Variants in MYBL1 observed in about 807,000 individuals in gnomAD.
MYBL1 encodes myb-related protein A.
Under a neutral mutation model 96.3 loss-of-function variants are expected in MYBL1, and 17 were observed. The ratio of observed to expected loss-of-function variants is 0.18; its 90% confidence interval spans 0.12 to 0.26. MYBL1 has a LOEUF of 0.26. Ranked by LOEUF, MYBL1 falls within the 10% of genes least tolerant of loss-of-function variation. The pLI is 1.00. For synonymous variants in MYBL1, 282 were observed against 292.7 expected, an observed-to-expected ratio of 0.96 and a Z score of 0.37; for missense variants, 701 against 882.9, an observed-to-expected ratio of 0.79 and a Z score of 2.61.
chr8:66,609,156 T>C (rs1159066870), intron 1 of MYBL1, among the ~76,000 whole-genome samples: 2 of 152,096 alleles, frequency 1.3e-5, no homozygotes, highest in African/African-American at 4.8e-5. Context: ...ATGATAGTCA[T>C]GACTTTGTCC....
Position 66,562,639 on chromosome 8 carries a change from T to C in MYBL1, c.*2058A>G, listed in dbSNP as rs1808373572. On this transcript the variant is annotated 3_prime_UTR_variant, in exon 16 of 16. Coordinates refer to ENST00000522677, the MANE Select transcript of MYBL1 (RefSeq NM_001080416.4). Reference sequence around the variant, plus strand: ...TATAGCCTTACAAGATATTATACTTTGGTGATTGCAGACTATGTATATCCA... The same window carrying C: ...TATAGCCTTACAAGATATTATACTTCGGTGATTGCAGACTATGTATATCCA... 1 of 152,538 alleles carries C rather than the reference T, an allele frequency of 6.6e-6. No individual in the cohort carries two copies. The highest frequency in any genetic ancestry group is 1.5e-5 in the Non-Finnish European group (1 of 68,016). The allele number at this position is 152,538 out of a possible 1,614,324, so 9.4% of individuals were successfully genotyped here.
chr8:66,611,755 A>C (rs1324051053), intron 1 of MYBL1, among the ~76,000 whole-genome samples: 2 of 152,242 alleles, frequency 1.3e-5, no homozygotes, highest in Non-Finnish European at 2.9e-5. Flanking sequence ...TGCTTAACAG[A>C]AAACTAAGGA....
chr8:66,592,524 A>G lies in MYBL1; in HGVS notation c.783T>C (p.Asp261=). Residue 261 remains aspartate (D), a synonymous_variant, in exon 8 of 16, where the codon GAT becomes GAC. Coordinates refer to ENST00000522677, the MANE Select transcript of MYBL1 (RefSeq NM_001080416.4). ...CCTTTATTTTCTTTTCCTTATCAGG[A>G]TCTTCATCAATGAAGGGTTGCTAAA... is the stretch of plus-strand genomic sequence containing the variant. ...AFIQQPFIDE[D]PDKEKKIKEL... is the part of the protein sequence containing the mutation. 1 of 1,594,836 alleles carries G rather than the reference A, an allele frequency of 6.3e-7. No individual in the cohort carries two copies. Among genetic ancestry groups the G allele is most frequent in the Non-Finnish European group, 8.5e-7 (1 of 1,174,228 alleles).
rs745988404 is a variant in MYBL1 at position 66,566,891 on chromosome 8, T to G, written c.1830A>C (p.Lys610Asn). The change falls in exon 13 of 16, where the codon AAA (lysine) becomes AAC (asparagine). Residue 610 changes from lysine (K) to asparagine (N), a missense_variant. This residue lies in a region of MYBL1 where 63 missense variants were observed against 109.2 expected (regional missense o/e 0.58). Coordinates refer to ENST00000522677, the MANE Select transcript of MYBL1 (RefSeq NM_001080416.4). Reference protein sequence around the residue: ...FLKEEDEPAYKSCKQENTASG... With the variant: ...FLKEEDEPAYNSCKQENTASG... ...AGAAGATTACCTCTTGTTTGCAGCTTTTGTAAGCAGGTTCATCTTCCTCTT... is the reference window on the plus strand; with the variant it reads ...AGAAGATTACCTCTTGTTTGCAGCTGTTGTAAGCAGGTTCATCTTCCTCTT... 3.7e-6 allele frequency: 6 copies of G among 1,612,120 alleles called. No homozygotes were observed. Among genetic ancestry groups the G allele is most frequent in the Non-Finnish European group, 8.5e-7 (1 of 1,178,694 alleles).
At chr8:66,609,326 AAGAG>A (rs1410564055) in intron 1 of MYBL1, among the ~76,000 whole-genome samples, 1 of 152,080 alleles carries the variant, frequency 6.6e-6, no homozygotes, top group East Asian at 1.9e-4. Context: ...TTCTAAAAGA[AAGAG>A]AAATACCGGT....
intron 14 of MYBL1, 24 bp downstream of exon 14, chr8:66,566,657 TAAC>T (rs747008994): frequency 6.9e-7 from 1 of 1,451,644 alleles, no homozygotes; most frequent in Non-Finnish European, 9.5e-7. Context: ...CCATTTAAAA[TAAC>T]AACAATAATA....
intron 8 of MYBL1, among the ~76,000 whole-genome samples, chr8:66,588,950 T>C (rs961336689): frequency 5.9e-5 from 9 of 151,900 alleles, no homozygotes; most frequent in Admixed American, 3.3e-4. Flanking sequence ...AACCAGGGAG[T>C]TGGAGGTTGC....
chr8:66,605,055 G>T (rs956498809), intron 1 of MYBL1, among the ~76,000 whole-genome samples: 1 of 152,278 alleles, frequency 6.6e-6, no homozygotes, highest in South Asian at 2.1e-4. Flanking sequence ...TTTAAAAAAA[G>T]AGAAATAAGT....
intron 6 of MYBL1, among the ~76,000 whole-genome samples, 155 bp from the exon 7 acceptor site, chr8:66,593,349 A>G (rs1369265288): frequency 6.6e-6 from 1 of 152,210 alleles, no homozygotes; most frequent in East Asian, 1.9e-4. Flanking sequence ...ATACTTTCTT[A>G]TCTATTAAAT....
intron 12 of MYBL1, among the ~76,000 whole-genome samples, chr8:66,568,723 T>C (rs1410097408): frequency 2.0e-5 from 3 of 152,098 alleles, no homozygotes; most frequent in Non-Finnish European, 4.4e-5. Flanking sequence ...GGGGGGTTGT[T>C]GTATAGGTTA....
chr8:66,573,421 A>G lies in MYBL1; in HGVS notation c.1556T>C (p.Leu519Pro). ...TSTPICGQKA[L>P]ITTPLHKETT... is the part of the protein sequence containing the mutation. ...TTCCTTATGAAGAGGAGTTGTAATG[A>G]GAGCTTTCTGCCCACAAATAGGGGT... Residue 519 changes from leucine to proline, a missense_variant, in exon 11 of 16, where the codon CTC (leucine) becomes CCC (proline). Physicochemically the swap from Leu to Pro is moderately conservative, Grantham distance 98 (BLOSUM62 -3). Around this residue, in one of 5 missense-constraint regions of MYBL1, gnomAD observed 396 missense variants for 407.4 expected, o/e 0.97. Coordinates refer to ENST00000522677, the MANE Select transcript of MYBL1 (RefSeq NM_001080416.4). 2 of 1,613,052 alleles carry G rather than the reference A, an allele frequency of 1.2e-6. No individual in the cohort carries two copies. The highest frequency in any genetic ancestry group is 1.7e-6 in the Non-Finnish European group (2 of 1,179,472).
chr8:66,594,126 T>C (rs1347606099), intron 6 of MYBL1, among the ~76,000 whole-genome samples: 5 of 151,572 alleles, frequency 3.3e-5, no homozygotes, highest in South Asian at 4.2e-4. Flanking sequence ...CAGAAAGAGA[T>C]TCTGTCTCAA....
At chr8:66,595,512 G>A in intron 6 of MYBL1, 71 bp downstream of exon 6, 3 of 983,282 alleles carry the variant, frequency 3.1e-6, no homozygotes, top group Non-Finnish European at 4.1e-6. Flanking sequence ...GTCCTATTAA[G>A]AAACCAAACA....
intron 6 of MYBL1, among the ~76,000 whole-genome samples, chr8:66,595,382 T>C (rs1275232289): frequency 6.6e-6 from 1 of 152,146 alleles, no homozygotes; most frequent in African/African-American, 2.4e-5. Context: ...CATAGTTTCT[T>C]GATGTAAAAA....
intron 8 of MYBL1, among the ~76,000 whole-genome samples, chr8:66,583,382 A>G (rs1165238860): frequency 1.3e-5 from 2 of 152,176 alleles, no homozygotes; most frequent in Non-Finnish European, 2.9e-5. Context: ...CCTACACCAA[A>G]AAAGTAGAAA....
Position 66,564,632 on chromosome 8 carries a change from A to G in MYBL1, c.*65T>C, listed in dbSNP as rs1240060293. 7.4e-7 allele frequency: 1 copy of G among 1,344,330 alleles called. No individual in the cohort carries two copies. The highest frequency in any genetic ancestry group is 1.5e-5 in the African/African-American group (1 of 67,020). The allele number at this position is 1,344,330 out of a possible 1,614,324, so 83.3% of individuals were successfully genotyped here. A position where few individuals can be genotyped will look rare whatever the true frequency, so the allele number is the denominator to read the frequency against. On this transcript the variant is annotated 3_prime_UTR_variant, in exon 16 of 16. Coordinates refer to ENST00000522677, the MANE Select transcript of MYBL1 (RefSeq NM_001080416.4). ...AAAACAACTAATTGAGAAAAATTTC[A>G]CTGCAACCTAATTTAGTAGAGACTG...
At chr8:66,578,420 G>A (rs1429168851) in intron 9 of MYBL1, among the ~76,000 whole-genome samples, 1 of 152,188 alleles carries the variant, frequency 6.6e-6, no homozygotes, top group Middle Eastern at 3.2e-3. Context: ...AGTGGGCAAA[G>A]GATATCAACA....
At position 66,563,425 on chromosome 8, in the gene MYBL1, C is replaced by G. The variant is rs575448177; in HGVS notation, c.*1272G>C. Reference sequence around the variant, plus strand: ...CCACAAAAGCAAATAAAAATTCTTTCAAGAAGAAATAAAATAAGTGCAAAC... The same window carrying G: ...CCACAAAAGCAAATAAAAATTCTTTGAAGAAGAAATAAAATAAGTGCAAAC... On this transcript the variant is annotated 3_prime_UTR_variant, in exon 16 of 16. Coordinates refer to ENST00000522677, the MANE Select transcript of MYBL1 (RefSeq NM_001080416.4). 2.0e-4 allele frequency: 30 copies of G among 152,442 alleles called. No individual in the cohort carries two copies. Among genetic ancestry groups the G allele is most frequent in the African/African-American group, 7.2e-4 (30 of 41,462 alleles). 9.4% of individuals were successfully genotyped at this position (152,442 alleles called of 1,614,324 possible).
intron 1 of MYBL1, among the ~76,000 whole-genome samples, chr8:66,611,045 A>C (rs190675421): frequency 6.6e-6 from 1 of 152,314 alleles, no homozygotes; most frequent in East Asian, 1.9e-4. Context: ...ACTAACATTA[A>C]GTTGTTTCTC....
Sources: allele counts gnomAD v4.1 joint callset (sites outside exome capture counted in the v4.1 genomes callset), GRCh38; gene constraint gnomAD v4.1.1; regional missense constraint gnomAD v4.1.1; transcripts MANE v1.5; gene names NCBI Gene and HGNC (gene_info 2026-07-23, HGNC 2026-07-21).